COL4A1: variants seen among roughly 807,000 people sequenced by gnomAD.
The protein encoded by COL4A1 is collagen type IV alpha 1 chain, also known as collagen alpha-1(IV) chain.
A neutral mutation model predicts 216.6 loss-of-function variants in COL4A1; 40 were observed. The ratio of observed to expected loss-of-function variants is 0.18; its 90% confidence interval spans 0.14 to 0.24. COL4A1 has a LOEUF of 0.24. COL4A1 is among the 10% of genes least tolerant of loss of function. The pLI is 1.00. For synonymous variants in COL4A1, 839 were observed against 810.7 expected, an observed-to-expected ratio of 1.03 and a Z score of -0.59; for missense variants, 1,628 against 2,196.8, an observed-to-expected ratio of 0.74 and a Z score of 5.18.
chr13:110,158,020 G>A (rs1359778052), intron 49 of COL4A1, among the ~76,000 whole-genome samples: 1 of 152,154 alleles, frequency 6.6e-6, no homozygotes, highest in Non-Finnish European at 1.5e-5. Context: ...TCTACCTGTT[G>A]TGTAAAAGAA....
chr13:110,178,977 C>A lies in COL4A1; in HGVS notation c.2404G>T (p.Gly802Cys), dbSNP rs746290868. The A allele has an allele frequency of 1.2e-6, 2 of 1,612,448 alleles. No homozygotes were observed. Among genetic ancestry groups the A allele is most frequent in the Admixed American group, 3.3e-5 (2 of 59,900 alleles). The change falls in exon 31 of 52, where the codon GGC becomes TGC. Residue 802 changes from glycine (G) to cysteine (C), a missense_variant. Coordinates refer to ENST00000375820, the MANE Select transcript of COL4A1 (RefSeq NM_001845.6). ...GGGGGACCCCTAGCTCCAGGGGGGC[C>A]TATTCCTGGAACTCCTGGAGACCCC... ...SVGSPGVPGIGPPGARGPPGG... is the reference protein window; with the variant it reads ...SVGSPGVPGICPPGARGPPGG...
At chr13:110,256,060 A>C (rs535961842) in intron 1 of COL4A1, among the ~76,000 whole-genome samples, 1 of 152,258 alleles carries the variant, frequency 6.6e-6, no homozygotes, top group African/African-American at 2.4e-5. Context: ...TATTCTACAA[A>C]TCACGCTGTA....
chr13:110,226,362 C>T (rs1485176653), intron 2 of COL4A1, among the ~76,000 whole-genome samples: 2 of 152,184 alleles, frequency 1.3e-5, no homozygotes, highest in Non-Finnish European at 2.9e-5. Context: ...AGTAAAGCCA[C>T]CACACTCCTC....
chr13:110,210,229 G>GAAAATAGAA lies in COL4A1; in HGVS notation c.469-26_469-18dup, dbSNP rs751707796. 1.9e-6 allele frequency: 3 copies of GAAAATAGAA among 1,611,082 alleles called. No homozygotes were observed. The Admixed American group carries it at 5.0e-5, about 27-fold the overall frequency. On this transcript the variant is annotated splice_polypyrimidine_tract_variant and intron_variant, in intron 8 of 51. Transcript: ENST00000375820. ...TGGATCACCCTAGAGGATGAAGAAA[G>GAAAATAGAA]AAAATAGAAAGTTGCAAATATCGAC...
At chr13:110,276,442 T>C (rs679505) in intron 1 of COL4A1, among the ~76,000 whole-genome samples, 102,439 of 151,956 alleles carry the variant, frequency 0.67, 34,709 homozygotes, top group South Asian at 0.7. Context: ...TCAAGACTGA[T>C]TCTCGTTGTA....
In COL4A1 at chr13:110,169,613, C is replaced by G. The variant is rs1186301725; in HGVS notation, c.3876+16G>C. ...AGACTCCTTTAAAAATAAAAATCTA[C>G]AAATCAATAACTCACAGGCATGCCC... On this transcript the variant is annotated intron_variant, in intron 43 of 51. Coordinates refer to ENST00000375820, the MANE Select transcript of COL4A1 (RefSeq NM_001845.6). The G allele has an allele frequency of 6.8e-6, 11 of 1,613,420 alleles. No individual in the cohort carries two copies. The highest frequency in any genetic ancestry group is 9.3e-6 in the Non-Finnish European group (11 of 1,179,916).
chr13:110,177,998 TA>T (rs1364057612), intron 32 of COL4A1, 65 bp downstream of exon 32: 224 of 1,613,802 alleles, frequency 1.4e-4, no homozygotes, highest in Non-Finnish European at 1.8e-4. Flanking sequence ...TGCTGAGTCA[TA>T]AAAAGAATAA....
intron 48 of COL4A1, 118 bp downstream of exon 48, chr13:110,162,112 C>T (rs570700984): frequency 2.0e-5 from 19 of 953,684 alleles, no homozygotes; most frequent in African/African-American, 1.6e-5. Flanking sequence ...GCCCTCATGG[C>T]GCAGTGTTTC....
rs1382422869 is a variant in COL4A1 at position 110,166,114 on chromosome 13, A to C, written c.4021+118T>G. ...AAAGAATTCCCTATCAATTGTTTTT[A>C]ATGATTTTTGAGTCATTTCACATAT... On this transcript the variant is annotated intron_variant, in intron 45 of 51. Coordinates refer to ENST00000375820, the MANE Select transcript of COL4A1 (RefSeq NM_001845.6). 41 of 773,930 alleles carry C rather than the reference A, an allele frequency of 5.3e-5. No individual in the cohort carries two copies. The Admixed American group carries it at 6.9e-4, about 13-fold the overall frequency. 47.9% of individuals were successfully genotyped at this position (773,930 alleles called of 1,614,324 possible). A position where few individuals can be genotyped will look rare whatever the true frequency, so the allele number is the denominator to read the frequency against.
At chr13:110,260,380 C>A (rs1882766695) in intron 1 of COL4A1, among the ~76,000 whole-genome samples, 1 of 152,188 alleles carries the variant, frequency 6.6e-6, no homozygotes, top group Admixed American at 6.5e-5. Flanking sequence ...GCACCCTTAG[C>A]ACGTGGGGAT....
chr13:110,172,066 G>A (rs1877669780), intron 41 of COL4A1, among the ~76,000 whole-genome samples: 1 of 152,196 alleles, frequency 6.6e-6, no homozygotes, highest in South Asian at 2.1e-4. Flanking sequence ...GGCCTTCCAG[G>A]GCTTTCTGAA....
At chr13:110,237,107 G>C (rs1881351546) in intron 2 of COL4A1, among the ~76,000 whole-genome samples, 2 of 152,220 alleles carry the variant, frequency 1.3e-5, no homozygotes, top group African/African-American at 4.8e-5. Flanking sequence ...CGACCCGTTA[G>C]AGAAAGGCTT....
At position 110,186,474 on chromosome 13, in the gene COL4A1, G is replaced by A. The variant is rs1232333866; in HGVS notation, c.1808C>T (p.Pro603Leu). 2 of 1,613,498 alleles carry A rather than the reference G, an allele frequency of 1.2e-6. No individual in the cohort carries two copies. The highest frequency in any genetic ancestry group is 1.7e-6 in the Non-Finnish European group (2 of 1,179,672). Residue 603 changes from proline (P) to leucine (L), a missense_variant, in exon 26 of 52, where the codon CCT becomes CTT. Transcript: ENST00000375820. Reference protein sequence around the residue: ...FPGSRGDTGPPGPPGYGPAGP... With the variant: ...FPGSRGDTGPLGPPGYGPAGP... ...AGCAGGACCATATCCTGGAGGCCCA[G>A]GGGGGCCGGTGTCACCACGACTGCC...
At chr13:110,200,464 G>A (rs1332733411) in intron 20 of COL4A1, among the ~76,000 whole-genome samples, 1 of 152,224 alleles carries the variant, frequency 6.6e-6, no homozygotes, top group Non-Finnish European at 1.5e-5. Context: ...AGAGGGGAAA[G>A]TGGTCAGGAC....
rs552655576 is a variant in COL4A1, at chr13:110,170,800, G to C, written c.3557-68C>G. The C allele has an allele frequency of 5.2e-6, 8 of 1,548,562 alleles. No homozygotes were observed. The African/African-American group carries it at 9.5e-5, about 18-fold the overall frequency. Reference sequence around the variant, plus strand: ...CAGAACAGTAATCTCCAGCGTGGACGGCAGAGATGGGATGAGGCGTGCCTC... The same window carrying C: ...CAGAACAGTAATCTCCAGCGTGGACCGCAGAGATGGGATGAGGCGTGCCTC... On this transcript the variant is annotated intron_variant, in intron 41 of 51. Coordinates refer to ENST00000375820, the MANE Select transcript of COL4A1 (RefSeq NM_001845.6).
At position 110,209,410 on chromosome 13, in the gene COL4A1, G is replaced by A. The variant is rs144773264; in HGVS notation, c.633C>T (p.Pro211=). ...CTTTTACCTTTTCACCTGGAGGGCC[G>A]GGAGGGCCTGGGGGACCCTGGGAGA... ...FTGPPGPPGP[P]GPPGEKGQMG... The change falls in exon 11 of 52, where the codon CCC becomes CCT. Residue 211 remains proline (P), a synonymous_variant. Transcript: ENST00000375820. 2.0e-4 allele frequency: 330 copies of A among 1,610,458 alleles called. 4 individuals are homozygous for A. In the Middle Eastern group the frequency reaches 2.5e-3, roughly 12 times the overall value.
chr13:110,275,603 T>C (rs1490577946), intron 1 of COL4A1, among the ~76,000 whole-genome samples: 1 of 152,202 alleles, frequency 6.6e-6, no homozygotes, highest in Non-Finnish European at 1.5e-5. Context: ...CACATGGATG[T>C]TTACAGCAGC....
rs1566332829 is a variant in COL4A1, at chr13:110,152,505, T to A, written c.4757A>T (p.His1586Leu). 6 of 1,610,950 alleles carry A rather than the reference T, an allele frequency of 3.7e-6. No individual in the cohort carries two copies. The highest frequency in any genetic ancestry group is 4.2e-6 in the Non-Finnish European group (5 of 1,179,608). Residue 1586 changes from histidine to leucine, a missense_variant and splice_region_variant, in exon 51 of 52, where the codon CAC becomes CTC. By Grantham distance (99) the His-to-Leu change is moderately conservative. Coordinates refer to ENST00000375820, the MANE Select transcript of COL4A1 (RefSeq NM_001845.6). ...SLWIGYSFVM[H>L]TSAGAEGSGQ... ...AGAGCCTTCTGCACCAGCGCTGGTG[T>A]GCTGCAGAACAGATGCGAGCCGTGA... is the stretch of plus-strand genomic sequence containing the variant.
chr13:110,192,101 C>A, intron 24 of COL4A1, 113 bp downstream of exon 24: 2 of 1,096,718 alleles, frequency 1.8e-6, no homozygotes, highest in Non-Finnish European at 2.8e-6. Context: ...GCAACACTTA[C>A]CAGCTCCCAC....
Sources: allele counts gnomAD v4.1 joint callset (sites outside exome capture counted in the v4.1 genomes callset), GRCh38; gene constraint gnomAD v4.1.1; transcripts MANE v1.5; gene names NCBI Gene and HGNC (gene_info 2026-07-23, HGNC 2026-07-21).